The following VEPH1 variants were observed in gnomAD, a reference collection of about 807,000 sequenced individuals.
VEPH1 encodes the protein ventricular zone expressed PH domain containing 1.
Under a neutral mutation model 85.2 loss-of-function variants are expected in VEPH1, and 80 were observed. The observed-to-expected ratio is 0.94, with a 90% CI of 0.78 to 1.13. VEPH1 has a LOEUF of 1.13. VEPH1 is among the 50% of genes most tolerant of loss of function. The pLI, the probability that VEPH1 is intolerant of heterozygous loss-of-function variation, is 0.00. For synonymous variants in VEPH1, 297 were observed against 348.0 expected, an observed-to-expected ratio of 0.85 and a Z score of 1.63; for missense variants, 955 against 980.5, an observed-to-expected ratio of 0.97 and a Z score of 0.35.
At chr3:157,463,692 C>A (rs2109393238) in intron 3 of VEPH1, among the ~76,000 whole-genome samples, 1 of 152,274 alleles carries the variant, frequency 6.6e-6, no homozygotes, top group South Asian at 2.1e-4. Context: ...CTAACTCACA[C>A]CAAAGGATTT....
At chr3:157,350,763 T>C (rs555585098) in intron 9 of VEPH1, among the ~76,000 whole-genome samples, 1 of 152,122 alleles carries the variant, frequency 6.6e-6, no homozygotes, top group African/African-American at 2.4e-5. Flanking sequence ...GACAAATATA[T>C]GAAAAAATGT....
intron 11 of VEPH1, among the ~76,000 whole-genome samples, chr3:157,293,182 G>A (rs1426219945): frequency 6.6e-6 from 1 of 152,140 alleles, no homozygotes; most frequent in African/African-American, 2.4e-5. Flanking sequence ...GCTGGAGTGG[G>A]TGGAGAGGGA....
intron 12 of VEPH1, among the ~76,000 whole-genome samples, chr3:157,266,381 T>C (rs1713647516): frequency 1.3e-5 from 2 of 152,134 alleles, no homozygotes; most frequent in South Asian, 4.1e-4. Flanking sequence ...TGTTGCTTCC[T>C]TTGGAAAGCC....
intron 4 of VEPH1, among the ~76,000 whole-genome samples, chr3:157,435,648 C>T (rs565776379): frequency 2.7e-4 from 41 of 152,328 alleles, no homozygotes; most frequent in African/African-American, 9.1e-4. Context: ...CACTCCTATG[C>T]CAGAGGGGCC....
intron 4 of VEPH1, among the ~76,000 whole-genome samples, chr3:157,453,675 A>T (rs1204308151): frequency 6.6e-6 from 1 of 152,074 alleles, no homozygotes; most frequent in Non-Finnish European, 1.5e-5. Context: ...CCCCATGATG[A>T]CTCCTCAGGC....
Position 157,364,517 on chromosome 3 carries a change from A to T in VEPH1, c.1128-5T>A, listed in dbSNP as rs936544954. ...ATTTCAGTGCTGATTTTTCTCCTAA[A>T]GGAATATAAATCATTGCATTAGATG... On this transcript the variant is annotated splice_polypyrimidine_tract_variant and splice_region_variant and intron_variant, in intron 7 of 13. Coordinates refer to ENST00000362010, the MANE Select transcript of VEPH1 (RefSeq NM_001167912.2). 1.2e-6 allele frequency: 2 copies of T among 1,611,906 alleles called. No individual in the cohort carries two copies. Among genetic ancestry groups the T allele is most frequent in the African/African-American group, 2.7e-5 (2 of 74,764 alleles).
intron 12 of VEPH1, among the ~76,000 whole-genome samples, chr3:157,272,388 TTTC>T (rs1559914029): frequency 1.5e-4 from 19 of 128,862 alleles, no homozygotes; most frequent in Admixed American, 2.3e-4. Context: ...TCTTTCTTTC[TTTC>T]TTTCTTTCTT....
chr3:157,373,167 A>C (rs1277814760), intron 7 of VEPH1, among the ~76,000 whole-genome samples: 2 of 152,192 alleles, frequency 1.3e-5, no homozygotes, highest in Non-Finnish European at 2.9e-5. Context: ...CTAAACCAAC[A>C]TTAAATCCAA....
intron 7 of VEPH1, among the ~76,000 whole-genome samples, chr3:157,375,653 A>C (rs757836180): frequency 2.6e-5 from 4 of 152,004 alleles, no homozygotes; most frequent in African/African-American, 4.8e-5. Context: ...GAGTTACCCT[A>C]TTTTCCCTTC....
intron 7 of VEPH1, among the ~76,000 whole-genome samples, chr3:157,372,752 T>C (rs1346567090): frequency 6.6e-6 from 1 of 152,218 alleles, no homozygotes; most frequent in African/African-American, 2.4e-5. Flanking sequence ...CCAATATTTT[T>C]GTAAAAATAG....
At chr3:157,443,222 G>T (rs1320796656) in intron 4 of VEPH1, 4 of 430,060 alleles carry the variant, frequency 9.3e-6, no homozygotes, top group Non-Finnish European at 1.6e-5. Flanking sequence ...GTTTAATGCT[G>T]TGTCTCTGTC....
At chr3:157,475,206 A>G (rs1737355367) in intron 2 of VEPH1, among the ~76,000 whole-genome samples, 1 of 133,630 alleles carries the variant, frequency 7.5e-6, no homozygotes, top group African/African-American at 2.9e-5. Flanking sequence ...TTCCCTGGCT[A>G]GTCTTGAACT....
Position 157,428,313 on chromosome 3 carries a change from AC to A in VEPH1, c.696+8del. On this transcript the variant is annotated splice_region_variant and intron_variant, in intron 5 of 13. Transcript: ENST00000362010. ...GTGTGCACCATGACATATACAATGT[AC>A]TTTTTACCTCGAGTTGTTTTTTCTT... The A allele has an allele frequency of 1.2e-6, 2 of 1,614,046 alleles. No homozygotes were observed. The highest frequency in any genetic ancestry group is 8.5e-7 in the Non-Finnish European group (1 of 1,179,922).
At chr3:157,474,598 C>T (rs1019694433) in intron 2 of VEPH1, among the ~76,000 whole-genome samples, 1 of 152,116 alleles carries the variant, frequency 6.6e-6, no homozygotes, top group African/African-American at 2.4e-5. Flanking sequence ...AGTCCTTGAT[C>T]ATCGTCTGGG....
rs1469857393 is a variant in VEPH1, at chr3:157,498,594, G to C, written c.-157-3088C>G. ...GGTCTCCCAGGATAGTTGTATTCATGACTGTGTGAGATAATTATTATTGAG... is the reference window on the plus strand; with the variant it reads ...GGTCTCCCAGGATAGTTGTATTCATCACTGTGTGAGATAATTATTATTGAG... On this transcript the variant is annotated intron_variant, in intron 1 of 13. Transcript: ENST00000362010. 2.0e-5 allele frequency among the ~76,000 whole-genome samples: 3 copies of C among 150,438 alleles called. No individual in the cohort carries two copies. The South Asian group carries it at 6.3e-4, about 31-fold the overall frequency.
chr3:157,496,564 T>C (rs1029473612), intron 1 of VEPH1, among the ~76,000 whole-genome samples: 1 of 152,216 alleles, frequency 6.6e-6, no homozygotes, highest in Non-Finnish European at 1.5e-5. Flanking sequence ...GAGTGAGTTA[T>C]TTAATACAAG....
At chr3:157,324,505 T>C (rs948845904) in intron 9 of VEPH1, among the ~76,000 whole-genome samples, 1 of 152,106 alleles carries the variant, frequency 6.6e-6, no homozygotes, top group Non-Finnish European at 1.5e-5. Context: ...CTCCCCACCC[T>C]CCAACAGGCC....
rs1560000948 is a variant in VEPH1 at position 157,369,179 on chromosome 3, T to TAAAAAAAAAAAA, written c.1128-4668_1128-4667insTTTTTTTTTTTT. On this transcript the variant is annotated intron_variant, in intron 7 of 13. Coordinates refer to ENST00000362010, the MANE Select transcript of VEPH1 (RefSeq NM_001167912.2). ...AACAACAACAACAACAAAAACCAAATGAAAAAAAAAAAAAAAAAAAAAAAA... is the reference window on the plus strand; with the variant it reads ...AACAACAACAACAACAAAAACCAAATAAAAAAAAAAAAGAAAAAAAAAAAAAAAAAAAAAAAA... Among the ~76,000 whole-genome samples, 6 of 15,064 alleles carry TAAAAAAAAAAAA rather than the reference T, an allele frequency of 4.0e-4. No homozygotes were observed. The East Asian group carries it at 0.016, about 40-fold the overall frequency. 9.9% of individuals were successfully genotyped at this position (15,064 alleles called of 152,430 possible).
At chr3:157,281,853 T>C (rs984405659) in intron 12 of VEPH1, among the ~76,000 whole-genome samples, 1 of 152,240 alleles carries the variant, frequency 6.6e-6, no homozygotes, top group Admixed American at 6.5e-5. Context: ...AGTTTTCTTT[T>C]ATCACTTTTA....
Sources: allele counts gnomAD v4.1 joint callset (sites outside exome capture counted in the v4.1 genomes callset), GRCh38; gene constraint gnomAD v4.1.1; transcripts MANE v1.5; gene names NCBI Gene and HGNC (gene_info 2026-07-23, HGNC 2026-07-21).